Variants in COL28A1 observed in about 807,000 individuals in gnomAD.
COL28A1 encodes the protein collagen type XXVIII alpha 1 chain.
A neutral mutation model predicts 150.2 loss-of-function variants in COL28A1; 161 were observed. The observed-to-expected ratio is 1.07, with a 90% CI of 0.94 to 1.22. The LOEUF is 1.22. Ranked by LOEUF, COL28A1 falls within the 50% of genes most tolerant of loss-of-function variation. COL28A1 has a pLI of 0.00. For missense variants in COL28A1, 1,617 were observed against 1,388.3 expected (o/e 1.16, Z -2.62); for synonymous variants, 552 against 469.7 (o/e 1.18, Z -2.26).
At chr7:7,509,161 C>T (rs150170820) in intron 9 of COL28A1, among the ~76,000 whole-genome samples, 11 of 151,762 alleles carry the variant, frequency 7.2e-5, no homozygotes, top group African/African-American at 1.5e-4. Flanking sequence ...GACAGGGTTT[C>T]GCTCTGTTAC....
chr7:7,361,550 G>C (rs10236604), intron 33 of COL28A1, among the ~76,000 whole-genome samples: 2,683 of 152,252 alleles, frequency 0.018, 93 homozygotes, highest in African/African-American at 0.06. Context: ...GGCATGAAAT[G>C]GTATCTCATT....
At chr7:7,525,363 C>T (rs192482068) in intron 3 of COL28A1, among the ~76,000 whole-genome samples, 37 of 152,254 alleles carry the variant, frequency 2.4e-4, no homozygotes, top group Admixed American at 2.0e-3. Flanking sequence ...GGCCTCACTA[C>T]CATACTTGAA....
Position 7,438,263 on chromosome 7 carries a change from C to A in COL28A1, c.1723-801G>T, listed in dbSNP as rs1785492122. Among the ~76,000 whole-genome samples the A allele has an allele frequency of 2.0e-5, 3 of 152,082 alleles. No homozygotes were observed. In the South Asian group the frequency reaches 6.2e-4, roughly 32 times the overall value. ...CAAAACGCTGTCTCAAAAAAAAGAACCCCTATGATTTTAAAAAAATGACAT... is the reference window on the plus strand; with the variant it reads ...CAAAACGCTGTCTCAAAAAAAAGAAACCCTATGATTTTAAAAAAATGACAT... On this transcript the variant is annotated intron_variant, in intron 21 of 34. Coordinates refer to ENST00000399429, the MANE Select transcript of COL28A1 (RefSeq NM_001037763.3).
chr7:7,414,077 A>G (rs905876927), intron 27 of COL28A1, among the ~76,000 whole-genome samples: 1 of 152,296 alleles, frequency 6.6e-6, no homozygotes, highest in Admixed American at 6.5e-5. Flanking sequence ...TTAGAAATGA[A>G]GAATGGGGAG....
intron 20 of COL28A1, among the ~76,000 whole-genome samples, chr7:7,442,764 C>T (rs567717848): frequency 3.0e-4 from 45 of 152,198 alleles, no homozygotes; most frequent in African/African-American, 1.1e-3. Flanking sequence ...AGCCCAGGCG[C>T]GGTGGCTCAC....
chr7:7,511,657 C>T (rs17168350), intron 8 of COL28A1: 43,430 of 400,202 alleles, frequency 0.11, 2,644 homozygotes, highest in Middle Eastern at 0.24. Context: ...CCAACCTTGA[C>T]CACCTAGTAG....
chr7:7,351,206 G>T (rs1177527448), downstream of COL28A1, among the ~76,000 whole-genome samples: 4 of 152,136 alleles, frequency 2.6e-5, no homozygotes, highest in African/African-American at 9.7e-5. Flanking sequence ...CAAGCCAGAG[G>T]GCACGCTCAG....
intron 27 of COL28A1, among the ~76,000 whole-genome samples, chr7:7,389,748 T>C (rs967790261): frequency 1.3e-5 from 2 of 152,180 alleles, no homozygotes; most frequent in Non-Finnish European, 2.9e-5. Context: ...TATTTTATTC[T>C]CTTTGTAGCA....
intron 13 of COL28A1, among the ~76,000 whole-genome samples, chr7:7,488,819 T>C: frequency 6.6e-6 from 1 of 152,162 alleles, no homozygotes; most frequent in Non-Finnish European, 1.5e-5. Flanking sequence ...TCCTAGAAAA[T>C]TTTAACACAT....
intron 27 of COL28A1, among the ~76,000 whole-genome samples, chr7:7,400,832 C>A (rs1249561874): frequency 6.6e-6 from 1 of 152,178 alleles, no homozygotes; most frequent in East Asian, 1.9e-4. Context: ...ATTTTAAAAT[C>A]ATTTCAAACT....
At chr7:7,496,731 AC>A (rs1439029929) in intron 11 of COL28A1, among the ~76,000 whole-genome samples, 1 of 152,130 alleles carries the variant, frequency 6.6e-6, no homozygotes, top group Non-Finnish European at 1.5e-5. Flanking sequence ...AGAACTTTAC[AC>A]TTTTTTTGAT....
At chr7:7,393,271 C>A (rs1182371450) in intron 27 of COL28A1, among the ~76,000 whole-genome samples, 1 of 152,214 alleles carries the variant, frequency 6.6e-6, no homozygotes, top group African/African-American at 2.4e-5. Context: ...CCCTGTTTGC[C>A]TGGGCATTAC....
At chr7:7,366,400 G>A (rs900962273) in intron 33 of COL28A1, among the ~76,000 whole-genome samples, 1 of 152,152 alleles carries the variant, frequency 6.6e-6, no homozygotes, top group South Asian at 2.1e-4. Flanking sequence ...GAGACCACAA[G>A]CCAGGTTTCC....
intron 2 of COL28A1, 22 bp downstream of exon 2, chr7:7,532,724 TAAAAAC>T (rs1562933835): frequency 6.3e-7 from 1 of 1,587,184 alleles, no homozygotes; most frequent in Non-Finnish European, 8.5e-7. Context: ...AGGCTAAACT[TAAAAAC>T]AAACAATTTT....
the COL28A1 span, among the ~76,000 whole-genome samples, chr7:7,348,394 G>C: frequency 1.3e-5 from 2 of 151,972 alleles, no homozygotes; most frequent in Non-Finnish European, 2.9e-5. Flanking sequence ...TTTACCCCTA[G>C]GTAGGGGCAG....
chr7:7,538,458 T>A (rs1047047162), upstream of COL28A1, among the ~76,000 whole-genome samples: 2 of 152,214 alleles, frequency 1.3e-5, no homozygotes. Context: ...TTATTAGAAG[T>A]AATTTTTAGT....
intron 27 of COL28A1, among the ~76,000 whole-genome samples, chr7:7,402,582 T>C (rs1783268413): frequency 6.6e-6 from 1 of 152,208 alleles, no homozygotes; most frequent in Non-Finnish European, 1.5e-5. Flanking sequence ...ATGAAAACGT[T>C]GACACCAGTT....
chr7:7,466,272 A>G (rs567274642), intron 15 of COL28A1, among the ~76,000 whole-genome samples: 76 of 138,310 alleles, frequency 5.5e-4, no homozygotes, highest in African/African-American at 1.9e-3. Context: ...GAGCTGATGG[A>G]GCTGAAAACC....
intron 3 of COL28A1, 91 bp downstream of exon 3, chr7:7,531,257 C>G (rs937948807): frequency 1.8e-6 from 1 of 565,172 alleles, no homozygotes; most frequent in African/African-American, 1.9e-5. Flanking sequence ...TTTTCTCCAT[C>G]TTTTTGACCC....
Sources: gnomAD v4.1 joint callset for allele counts (sites outside exome capture counted in the v4.1 genomes callset) on GRCh38, gnomAD v4.1.1 for gene constraint, MANE v1.5 for transcripts, NCBI Gene and HGNC (gene_info 2026-07-23, HGNC 2026-07-21) for gene names.